Variants in KLHL20 observed in about 807,000 individuals in gnomAD.
The protein encoded by KLHL20 is kelch-like protein 20.
A neutral mutation model predicts 69.5 loss-of-function variants in KLHL20; 29 were observed. The observed-to-expected ratio is 0.42, with a 90% CI of 0.31 to 0.57. The LOEUF (loss-of-function observed/expected upper bound fraction) is 0.57, where lower values mean the gene tolerates loss of function less well. KLHL20 is among the 20% of genes least tolerant of loss of function. The pLI, the probability that KLHL20 is intolerant of heterozygous loss-of-function variation, is 0.18. For synonymous variants in KLHL20, 253 were observed against 265.2 expected (o/e 0.95, Z 0.45); for missense variants, 419 against 776.0 (o/e 0.54, Z 5.47).
chr1:173,735,044 GA>G (rs1023075023), intron 3 of KLHL20, among the ~76,000 whole-genome samples: 1 of 152,120 alleles, frequency 6.6e-6, no homozygotes, highest in African/African-American at 2.4e-5. Flanking sequence ...TTGAAGACCT[GA>G]AAAAAACCCA....
Position 173,774,349 on chromosome 1 carries a change from G to C in KLHL20, c.1340G>C (p.Ser447Thr). Residue 447 changes from serine (S) to threonine (T), a missense_variant, in exon 9 of 12, where the codon AGT (serine) becomes ACT (threonine). By Grantham distance (58) the Ser-to-Thr change is moderately conservative. This residue lies in a region of KLHL20 where 56 missense variants were observed against 75.9 expected (regional missense o/e 0.74). Transcript: ENST00000209884. ...AAGTGGACTCGGGTAGCTTCTATGA[G>C]TACCAGAAGACTAGGTGTGGCTGTG... The part of the protein sequence containing the change: ...ENKWTRVASM[S>T]TRRLGVAVAV... 1 of 1,614,150 alleles carries C rather than the reference G, an allele frequency of 6.2e-7. No homozygotes were observed. The highest frequency in any genetic ancestry group is 1.1e-5 in the South Asian group (1 of 91,082).
chr1:173,737,174 G>C (rs1366817417), intron 3 of KLHL20, among the ~76,000 whole-genome samples: 1 of 152,208 alleles, frequency 6.6e-6, no homozygotes, highest in East Asian at 1.9e-4. Context: ...CACTCCGTGG[G>C]TTGTCTATTT....
At chr1:173,760,958 A>G (rs1469781224) in intron 7 of KLHL20, among the ~76,000 whole-genome samples, 2 of 152,228 alleles carry the variant, frequency 1.3e-5, no homozygotes, top group African/African-American at 2.4e-5. Context: ...CGCAGAATGG[A>G]TAAGAACTCA....
chr1:173,763,929 ACAGT>A (rs1389719923), intron 7 of KLHL20, among the ~76,000 whole-genome samples: 2 of 152,148 alleles, frequency 1.3e-5, no homozygotes, highest in African/African-American at 4.8e-5. Context: ...GGCAAAAGTA[ACAGT>A]CAGCAAAGTA....
intron 2 of KLHL20, among the ~76,000 whole-genome samples, chr1:173,732,198 A>G (rs75142371): frequency 6.7e-6 from 1 of 149,682 alleles, no homozygotes; most frequent in Admixed American, 6.7e-5. Context: ...CTCTGTCTCA[A>G]AAAAAAAAAA....
intron 5 of KLHL20, among the ~76,000 whole-genome samples, chr1:173,755,054 TTTGTC>T (rs1673480846): frequency 6.9e-6 from 1 of 145,398 alleles, no homozygotes; most frequent in Non-Finnish European, 1.5e-5. Context: ...GATCAAAGTC[TTTGTC>T]TTTTTTTTTT....
rs551221399 is a variant in KLHL20 at position 173,785,509 on chromosome 1, AAAAAG to A, written c.*270_*274del. ...TTTGAACTTATCCTTCCTCCCACAAAAAAAGAAAAGAAGAAAAAATTCCAAGCAGC... is the reference window on the plus strand; with the variant it reads ...TTTGAACTTATCCTTCCTCCCACAAAAAAAGAAGAAAAAATTCCAAGCAGC... On this transcript the variant is annotated 3_prime_UTR_variant, in exon 12 of 12. Coordinates refer to ENST00000209884, the MANE Select transcript of KLHL20 (RefSeq NM_014458.4). 4.2e-5 allele frequency: 9 copies of A among 211,790 alleles called. No homozygotes were observed. The South Asian group carries it at 8.4e-4, about 20-fold the overall frequency. The allele number at this position is 211,790 out of a possible 1,614,324, so 13.1% of individuals were successfully genotyped here. A position where few individuals can be genotyped will look rare whatever the true frequency, so the allele number is the denominator to read the frequency against.
At chr1:173,783,326 A>G (rs2102543910) in intron 11 of KLHL20, among the ~76,000 whole-genome samples, 2 of 152,316 alleles carry the variant, frequency 1.3e-5, no homozygotes, top group Admixed American at 1.3e-4. Flanking sequence ...ACCATGAAGG[A>G]TAAGCTGAGC....
intron 2 of KLHL20, among the ~76,000 whole-genome samples, chr1:173,726,851 C>G (rs572893440): frequency 6.6e-6 from 1 of 152,310 alleles, no homozygotes; most frequent in East Asian, 1.9e-4. Context: ...CTCTCCTCCT[C>G]CAAAGGAACA....
intron 6 of KLHL20, 93 bp downstream of exon 6, chr1:173,756,131 T>G: frequency 1.2e-6 from 1 of 855,166 alleles, no homozygotes; most frequent in Non-Finnish European, 1.9e-6. Flanking sequence ...TGATATTTAC[T>G]GTCATAAGAC....
At chr1:173,728,034 C>T (rs1446004145) in intron 2 of KLHL20, among the ~76,000 whole-genome samples, 1 of 151,986 alleles carries the variant, frequency 6.6e-6, no homozygotes, top group Non-Finnish European at 1.5e-5. Context: ...CACATAGGTT[C>T]AAAATAAAGG....
chr1:173,751,012 T>G (rs1673285955), intron 3 of KLHL20, among the ~76,000 whole-genome samples: 1 of 152,190 alleles, frequency 6.6e-6, no homozygotes, highest in South Asian at 2.1e-4. Flanking sequence ...CTAATAGACA[T>G]CACATGTAGT....
chr1:173,781,100 A>C (rs1037967121), intron 10 of KLHL20, among the ~76,000 whole-genome samples: 1 of 151,912 alleles, frequency 6.6e-6, no homozygotes, highest in Non-Finnish European at 1.5e-5. Flanking sequence ...AACATGTGCA[A>C]AAGTGTGGAG....
intron 2 of KLHL20, among the ~76,000 whole-genome samples, chr1:173,723,111 GT>G (rs1671792571): frequency 1.3e-5 from 2 of 152,278 alleles, no homozygotes; most frequent in African/African-American, 4.8e-5. Context: ...TGTAACTAAG[GT>G]TGTGACAATA....
Position 173,785,333 on chromosome 1 carries a change from G to C in KLHL20, c.*86G>C. 1 of 851,352 alleles carries C rather than the reference G, an allele frequency of 1.2e-6. No homozygotes were observed. The highest frequency in any genetic ancestry group is 3.2e-5 in the Admixed American group (1 of 31,244). 52.7% of individuals were successfully genotyped at this position (851,352 alleles called of 1,614,324 possible). A position where few individuals can be genotyped will look rare whatever the true frequency, so the allele number is the denominator to read the frequency against. Reference sequence around the variant, plus strand: ...CTTTGTACAGCTTGAGAAAACATTAGAACAAATTTTATTATTTGCCGGTGC... The same window carrying C: ...CTTTGTACAGCTTGAGAAAACATTACAACAAATTTTATTATTTGCCGGTGC... On this transcript the variant is annotated 3_prime_UTR_variant, in exon 12 of 12. Transcript: ENST00000209884.
At chr1:173,781,401 G>A (rs115872919) in intron 10 of KLHL20, among the ~76,000 whole-genome samples, 2,738 of 151,930 alleles carry the variant, frequency 0.018, 74 homozygotes, top group African/African-American at 0.063. Flanking sequence ...CTGCAACCTC[G>A]ACCTTTCAGG....
intron 8 of KLHL20, among the ~76,000 whole-genome samples, chr1:173,771,052 T>TC (rs1375745294): frequency 2.6e-5 from 4 of 152,164 alleles, no homozygotes. Flanking sequence ...AAGTAGTAGT[T>TC]CATGCCAGAA....
intron 2 of KLHL20, among the ~76,000 whole-genome samples, chr1:173,719,664 T>G (rs1671628852): frequency 6.6e-6 from 1 of 152,114 alleles, no homozygotes; most frequent in Admixed American, 6.5e-5. Context: ...GCCTAAAGAT[T>G]ATGTACATTT....
intron 11 of KLHL20, 66 bp downstream of exon 11, chr1:173,782,296 C>T: frequency 8.4e-7 from 1 of 1,190,154 alleles, no homozygotes; most frequent in Non-Finnish European, 1.3e-6. Context: ...TTGAAATAGC[C>T]TATGACCATC....
Sources: allele counts gnomAD v4.1 joint callset (sites outside exome capture counted in the v4.1 genomes callset), GRCh38; gene constraint gnomAD v4.1.1; regional missense constraint gnomAD v4.1.1; transcripts MANE v1.5; gene names NCBI Gene and HGNC (gene_info 2026-07-23, HGNC 2026-07-21).